Variants in MXI1 observed in about 807,000 individuals in gnomAD.
MXI1 encodes MAX interactor 1, dimerization protein.
MXI1 carries 18 observed loss-of-function variants against 36.9 expected under a neutral mutation model. That is an observed-to-expected ratio of 0.49 (90% CI 0.34 to 0.72). MXI1 has a LOEUF of 0.72. MXI1 is among the 30% of genes least tolerant of loss of function. The pLI is 0.01. For missense variants in MXI1, 304 were observed against 379.1 expected, an observed-to-expected ratio of 0.80 and a Z score of 1.64; for synonymous variants, 160 against 146.7, an observed-to-expected ratio of 1.09 and a Z score of -0.65.
intron 1 of MXI1, 88 bp from the exon 2 acceptor site, chr10:110,228,101 C>G: frequency 1.4e-6 from 2 of 1,461,560 alleles, no homozygotes; most frequent in Non-Finnish European, 1.9e-6. Flanking sequence ...TTTCAAAAAC[C>G]TGTTACTGCA....
intron 1 of MXI1, among the ~76,000 whole-genome samples, chr10:110,210,651 C>T (rs1854488571): frequency 6.6e-6 from 1 of 152,242 alleles, no homozygotes; most frequent in Admixed American, 6.5e-5. Context: ...CCTCTCCTCC[C>T]CTCCTCCTGC....
intron 3 of MXI1, among the ~76,000 whole-genome samples, chr10:110,252,156 A>G (rs774494331): frequency 2.6e-5 from 4 of 152,002 alleles, no homozygotes; most frequent in Non-Finnish European, 5.9e-5. Flanking sequence ...ACAAAGGTCT[A>G]AGAAACACTA....
intron 2 of MXI1, among the ~76,000 whole-genome samples, chr10:110,241,964 G>A (rs1447464605): frequency 6.6e-6 from 1 of 151,894 alleles, no homozygotes; most frequent in African/African-American, 2.4e-5. Flanking sequence ...TACACAGCCT[G>A]TGTGAGTGAC....
At chr10:110,216,665 G>GTTTTTTGTTTTGTTTTGTTTTTGTT in intron 1 of MXI1, among the ~76,000 whole-genome samples, 1 of 79,060 alleles carries the variant, frequency 1.3e-5, no homozygotes, top group Admixed American at 1.8e-4. Context: ...TGTGTTTAAT[G>GTTTTTTGTTTTGTTTTGTTTTTGTT]TTTTTTTTTT....
chr10:110,220,975 G>A (rs1465399159), intron 1 of MXI1, among the ~76,000 whole-genome samples: 2 of 152,172 alleles, frequency 1.3e-5, no homozygotes, highest in Non-Finnish European at 2.9e-5. Flanking sequence ...TATTTGGGAG[G>A]CATTTCTAAT....
At chr10:110,260,903 C>A in intron 3 of MXI1, 2 of 671,968 alleles carry the variant, frequency 3.0e-6, no homozygotes, top group Non-Finnish European at 3.7e-6. Context: ...TAACTTCTGG[C>A]CACTTTTTTG....
rs550289043 is a variant in MXI1 at position 110,236,882 on chromosome 10, A to G, written c.408-7946A>G. On this transcript the variant is annotated intron_variant, in intron 2 of 5. Coordinates refer to ENST00000332674, the MANE Select transcript of MXI1 (RefSeq NM_130439.3). ...TGGGGAAACCCAACATGTATTAACT[A>G]TTGAATCTTCTAATTCATTAACATG... Among the ~76,000 whole-genome samples, 20 of 152,346 alleles carry G rather than the reference A, an allele frequency of 1.3e-4. 1 individual carries two copies. In the South Asian group the frequency reaches 3.5e-3, roughly 27 times the overall value.
chr10:110,236,667 C>G (rs147202833), intron 2 of MXI1, among the ~76,000 whole-genome samples: 408 of 152,218 alleles, frequency 2.7e-3, no homozygotes, highest in African/African-American at 9.7e-3. Flanking sequence ...CACCATGTTG[C>G]CCAGGCTGGT....
At chr10:110,263,722 CT>C (rs1856594154) in intron 3 of MXI1, among the ~76,000 whole-genome samples, 1 of 152,160 alleles carries the variant, frequency 6.6e-6, no homozygotes, top group South Asian at 2.1e-4. Context: ...TCGAGATATA[CT>C]CTTTTCTATG....
intron 2 of MXI1, among the ~76,000 whole-genome samples, chr10:110,234,581 T>C (rs949068192): frequency 6.6e-6 from 1 of 152,128 alleles, no homozygotes; most frequent in Non-Finnish European, 1.5e-5. Flanking sequence ...CACTCGTTTT[T>C]CCCCCAACAG....
intron 3 of MXI1, among the ~76,000 whole-genome samples, chr10:110,261,800 T>A (rs568539002): frequency 6.6e-6 from 1 of 152,210 alleles, no homozygotes; most frequent in East Asian, 1.9e-4. Flanking sequence ...TCAGCTCAGA[T>A]TGACTATATA....
chr10:110,266,176 T>G (rs7920438), intron 3 of MXI1, among the ~76,000 whole-genome samples: 35,724 of 151,894 alleles, frequency 0.24, 5,144 homozygotes, highest in African/African-American at 0.41. Context: ...GGCATGATCT[T>G]GGCTCACTGC....
At chr10:110,246,222 C>G (rs1432744341) in intron 3 of MXI1, among the ~76,000 whole-genome samples, 1 of 151,834 alleles carries the variant, frequency 6.6e-6, no homozygotes, top group African/African-American at 2.4e-5. Context: ...ACTCAGGAGG[C>G]TAAGGCAAGA....
chr10:110,226,760 C>G (rs1590339776), intron 1 of MXI1, among the ~76,000 whole-genome samples: 1 of 5,306 alleles, frequency 1.9e-4, no homozygotes, highest in Non-Finnish European at 3.2e-4. Context: ...GGGGCGCACG[C>G]GTGAGGGGAG....
At chr10:110,209,375 C>A (rs72830443) in intron 1 of MXI1, among the ~76,000 whole-genome samples, 13,037 of 151,988 alleles carry the variant, frequency 0.086, 1,127 homozygotes, top group East Asian at 0.3. Flanking sequence ...GTCCCGATTG[C>A]AACGTGTCAG....
At position 110,207,829 on chromosome 10, in the gene MXI1, G is replaced by A; in HGVS notation, c.21G>A (p.Pro7=). Residue 7 remains proline (P), a synonymous_variant, in exon 1 of 6, where the codon CCG becomes CCA. Coordinates refer to ENST00000332674, the MANE Select transcript of MXI1 (RefSeq NM_130439.3). ...CCTCCATGGGCAAACGCGGGCGGCC[G>A]CGCAAGGAGGCGCGCTGCGAGGGCG... is the stretch of plus-strand genomic sequence containing the variant. MGKRGR[P]RKEARCEGAG... 3 of 1,120,546 alleles carry A rather than the reference G, an allele frequency of 2.7e-6. No homozygotes were observed. The highest frequency in any genetic ancestry group is 3.3e-6 in the Non-Finnish European group (3 of 917,818). 69.4% of individuals were successfully genotyped at this position (1,120,546 alleles called of 1,614,324 possible).
At chr10:110,279,372 C>T in intron 4 of MXI1, 78 bp downstream of exon 4, 2 of 1,213,518 alleles carry the variant, frequency 1.6e-6, no homozygotes, top group South Asian at 2.5e-5. Flanking sequence ...TATTCATATA[C>T]ATCAGCTAGT....
At chr10:110,247,640 A>G (rs896298484) in intron 3 of MXI1, among the ~76,000 whole-genome samples, 3 of 152,188 alleles carry the variant, frequency 2.0e-5, no homozygotes, top group East Asian at 1.9e-4. Context: ...CAAAACCACA[A>G]TGAGATGCCA....
At chr10:110,282,526 T>C (rs1210189574) in intron 5 of MXI1, among the ~76,000 whole-genome samples, 1 of 152,218 alleles carries the variant, frequency 6.6e-6, no homozygotes, top group Non-Finnish European at 1.5e-5. Flanking sequence ...CTTTCCTCTA[T>C]TGCTAACTAG....
Sources: allele counts gnomAD v4.1 joint callset (sites outside exome capture counted in the v4.1 genomes callset), GRCh38; gene constraint gnomAD v4.1.1; transcripts MANE v1.5; gene names NCBI Gene and HGNC (gene_info 2026-07-23, HGNC 2026-07-21).